The following REEP1 variants were observed in gnomAD, a reference collection of about 807,000 sequenced individuals.
REEP1 encodes receptor accessory protein 1, also known as receptor expression-enhancing protein 1.
REEP1 carries 22 observed loss-of-function variants against 40.3 expected under a neutral mutation model. The ratio of observed to expected loss-of-function variants is 0.55; its 90% CI spans 0.39 to 0.78. The LOEUF is 0.78. REEP1 is among the 30% of genes least tolerant of loss of function. The pLI, the probability that REEP1 is intolerant of heterozygous loss-of-function variation, is 0.00. For synonymous variants in REEP1, 116 were observed against 139.2 expected (o/e 0.83, Z 1.17); for missense variants, 280 against 361.1 (o/e 0.78, Z 1.82).
At chr2:86,330,618 A>AT (rs34601728) in intron 1 of REEP1, among the ~76,000 whole-genome samples, 89,560 of 151,250 alleles carry the variant, frequency 0.59, 27,963 homozygotes, top group African/African-American at 0.8. Context: ...TAATTTTTGT[A>AT]TTTTTTTTGT....
chr2:86,258,476 C>T (rs1270964829), intron 3 of REEP1, among the ~76,000 whole-genome samples: 1 of 152,190 alleles, frequency 6.6e-6, no homozygotes, highest in Non-Finnish European at 1.5e-5. Context: ...GGATTTAAAG[C>T]CAGGCCCTCC....
chr2:86,277,721 G>A (rs189921075), intron 2 of REEP1, among the ~76,000 whole-genome samples: 3 of 152,286 alleles, frequency 2.0e-5, no homozygotes, highest in East Asian at 1.9e-4. Context: ...ATTGGATGGC[G>A]GAAGAGGAAA....
intron 3 of REEP1, among the ~76,000 whole-genome samples, chr2:86,255,818 A>G (rs763803462): frequency 3.3e-5 from 5 of 152,172 alleles, no homozygotes; most frequent in Non-Finnish European, 7.3e-5. Flanking sequence ...CTTCAACTGG[A>G]AGCAGTTCTG....
At chr2:86,228,462 T>G (rs1167251073) in intron 6 of REEP1, among the ~76,000 whole-genome samples, 1 of 151,882 alleles carries the variant, frequency 6.6e-6, no homozygotes, top group Non-Finnish European at 1.5e-5. Flanking sequence ...TTCACTTTTT[T>G]TTTTTTTTTT....
At chr2:86,230,616 C>A (rs10201457) in intron 6 of REEP1, among the ~76,000 whole-genome samples, 1 of 152,216 alleles carries the variant, frequency 6.6e-6, no homozygotes, top group South Asian at 2.1e-4. Context: ...CATGACAATG[C>A]GCCTTCTCAG....
chr2:86,229,598 CTTTTTTTTTTTTTTTTT>C (rs70956106), intron 6 of REEP1, among the ~76,000 whole-genome samples: 1 of 114,444 alleles, frequency 8.7e-6, no homozygotes, highest in Non-Finnish European at 1.7e-5. Flanking sequence ...ACCTGTCTTC[CTTTTTTTTTTTTTTTTT>C]TTTTTTTTTT....
chr2:86,253,571 T>C (rs941223553), intron 4 of REEP1, among the ~76,000 whole-genome samples: 1 of 152,146 alleles, frequency 6.6e-6, no homozygotes, highest in Non-Finnish European at 1.5e-5. Flanking sequence ...GGAAGTTACA[T>C]TGGCAGCTTC....
chr2:86,271,734 G>C (rs926732959), intron 2 of REEP1, among the ~76,000 whole-genome samples: 2 of 152,196 alleles, frequency 1.3e-5, no homozygotes, highest in African/African-American at 2.4e-5. Flanking sequence ...CTCCTTAGCA[G>C]GGGGCAAATG....
chr2:86,258,810 T>A (rs1362882179), intron 3 of REEP1, among the ~76,000 whole-genome samples: 1 of 152,098 alleles, frequency 6.6e-6, no homozygotes, highest in Non-Finnish European at 1.5e-5. Flanking sequence ...CCACATTTCC[T>A]CCATCTTTTC....
chr2:86,254,748 G>T lies in REEP1; in HGVS notation c.249C>A (p.Gly83=), dbSNP rs1230369594. Residue 83 remains glycine, a synonymous_variant, in exon 4 of 9, where the codon GGC becomes GGA. Coordinates refer to ENST00000538924, the MANE Select transcript of REEP1 (RefSeq NM_001371279.1). ...CAAACTTCCTGTACAGGAGGCTGGA[G>T]CCTTTTGTGTAGGGAGACAGCAGCC... ...VAWLLSPYTK[G]SSLLYRKFVH... 9 of 1,613,890 alleles carry T rather than the reference G, an allele frequency of 5.6e-6. No homozygotes were observed. The highest frequency in any genetic ancestry group is 7.6e-6 in the Non-Finnish European group (9 of 1,179,726).
intron 1 of REEP1, among the ~76,000 whole-genome samples, chr2:86,336,197 A>T (rs1681022652): frequency 6.6e-6 from 1 of 152,204 alleles, no homozygotes; most frequent in African/African-American, 2.4e-5. Context: ...CTAAATATTT[A>T]ACATGCCACC....
intron 8 of REEP1, 133 bp from the exon 9 acceptor site, chr2:86,217,243 C>G: frequency 1.3e-6 from 1 of 743,940 alleles, no homozygotes; most frequent in Non-Finnish European, 2.4e-6. Flanking sequence ...GCTGGGGTCT[C>G]CCTGAATCTC....
At chr2:86,279,727 G>A (rs1334327776) in intron 2 of REEP1, among the ~76,000 whole-genome samples, 1 of 152,072 alleles carries the variant, frequency 6.6e-6, no homozygotes, top group Non-Finnish European at 1.5e-5. Flanking sequence ...AAGAGAAAGG[G>A]GCACAAGCCT....
chr2:86,222,450 C>T (rs764960297), intron 7 of REEP1, among the ~76,000 whole-genome samples: 9 of 152,316 alleles, frequency 5.9e-5, no homozygotes, highest in East Asian at 1.9e-4. Flanking sequence ...TCACTGTGTC[C>T]GCTGAGCATT....
At chr2:86,245,740 A>G (rs887799681) in intron 5 of REEP1, among the ~76,000 whole-genome samples, 5 of 149,722 alleles carry the variant, frequency 3.3e-5, no homozygotes, top group African/African-American at 9.8e-5. Flanking sequence ...GGTGGTGTTG[A>G]GGCTGGTCCC....
chr2:86,260,326 G>T (rs1461510380), intron 3 of REEP1, among the ~76,000 whole-genome samples: 1 of 152,114 alleles, frequency 6.6e-6, no homozygotes, highest in African/African-American at 2.4e-5. Flanking sequence ...AAACTGCCTG[G>T]ACACCCCCAG....
chr2:86,243,740 T>C (rs185723052), intron 5 of REEP1, among the ~76,000 whole-genome samples: 5 of 152,306 alleles, frequency 3.3e-5, no homozygotes, highest in East Asian at 3.9e-4. Context: ...AGTTTGTCCA[T>C]ACAGTTTAGA....
chr2:86,239,406 T>C (rs2104112583), intron 5 of REEP1, among the ~76,000 whole-genome samples: 1 of 152,234 alleles, frequency 6.6e-6, no homozygotes, highest in East Asian at 1.9e-4. Context: ...CCCATCTCAC[T>C]TGACACAATA....
At chr2:86,287,622 G>A (rs1678466495) in intron 1 of REEP1, among the ~76,000 whole-genome samples, 1 of 152,072 alleles carries the variant, frequency 6.6e-6, no homozygotes, top group Admixed American at 6.6e-5. Flanking sequence ...TAATCTCCAA[G>A]ACTGTTTTCG....
Sources: allele counts gnomAD v4.1 joint callset (sites outside exome capture counted in the v4.1 genomes callset), GRCh38; gene constraint gnomAD v4.1.1; transcripts MANE v1.5; gene names NCBI Gene and HGNC (gene_info 2026-07-23, HGNC 2026-07-21).